STPG2: variants seen among roughly 807,000 people sequenced by gnomAD.
STPG2 encodes the protein sperm tail PG-rich repeat containing 2.
STPG2 carries 56 observed loss-of-function variants against 54.2 expected under a neutral mutation model. The ratio of observed to expected loss-of-function variants is 1.03; its 90% CI spans 0.83 to 1.29. The LOEUF (loss-of-function observed/expected upper bound fraction) is 1.29. Among genes scored for constraint, STPG2 ranks in the 50% most tolerant of loss-of-function variants. The probability of loss-of-function intolerance (pLI) is 0.00; values close to 1 mark genes in which losing one functional copy is unlikely to be tolerated. For missense variants in STPG2, 596 were observed against 544.9 expected (o/e 1.09, Z -0.93); for synonymous variants, 200 against 181.8 (o/e 1.10, Z -0.81).
chr4:97,918,049 G>A (rs1440019258), intron 8 of STPG2, among the ~76,000 whole-genome samples: 1 of 151,100 alleles, frequency 6.6e-6, no homozygotes, highest in Admixed American at 6.6e-5. Context: ...CTAAAATTAA[G>A]GCATGCGTAT....
chr4:97,609,200 G>A (rs950173536), intron 10 of STPG2, among the ~76,000 whole-genome samples: 3 of 151,896 alleles, frequency 2.0e-5, no homozygotes, highest in Non-Finnish European at 2.9e-5. Context: ...AAGTTTAAAC[G>A]GACAGTAAAA....
At chr4:97,715,774 A>G (rs1003950446) in intron 9 of STPG2, among the ~76,000 whole-genome samples, 2 of 152,210 alleles carry the variant, frequency 1.3e-5, no homozygotes, top group Non-Finnish European at 2.9e-5. Flanking sequence ...CATTCAGGAC[A>G]TAGGCATGGG....
At chr4:98,018,315 G>A (rs999472472) in intron 5 of STPG2, among the ~76,000 whole-genome samples, 4 of 152,040 alleles carry the variant, frequency 2.6e-5, no homozygotes, top group East Asian at 1.9e-4. Flanking sequence ...ATGATTTCCA[G>A]TTTCATCCAT....
intron 9 of STPG2, among the ~76,000 whole-genome samples, chr4:97,765,929 C>T (rs1726033615): frequency 6.6e-6 from 1 of 151,894 alleles, no homozygotes; most frequent in Admixed American, 6.6e-5. Flanking sequence ...AAATTAGACC[C>T]AATTACTGGA....
chr4:97,847,485 T>C (rs1728989565), intron 8 of STPG2, among the ~76,000 whole-genome samples: 1 of 152,100 alleles, frequency 6.6e-6, no homozygotes, highest in Admixed American at 6.5e-5. Context: ...GAAAAGACCA[T>C]TTAGGCCAAT....
rs1729470238 is a variant in STPG2 at position 97,454,643 on chromosome 4, G to A, written c.462+258056C>T. Among the ~76,000 whole-genome samples the A allele has an allele frequency of 2.0e-5, 3 of 148,530 alleles. No individual in the cohort carries two copies. In the Admixed American group the frequency reaches 2.0e-4, roughly 10 times the overall value. On this transcript the variant is annotated intron_variant, in intron 4 of 4. Transcript: ENST00000522676. ...TATATAGCATATCTTCATGTTATGT[G>A]CCCATGCAAAGTTAAATGTTTAAAT...
At chr4:97,960,884 G>A (rs753221215) in intron 7 of STPG2, among the ~76,000 whole-genome samples, 2 of 151,878 alleles carry the variant, frequency 1.3e-5, no homozygotes, top group Non-Finnish European at 2.9e-5. Context: ...AGCCCACATA[G>A]CCAAGGCAAG....
intron 8 of STPG2, among the ~76,000 whole-genome samples, chr4:97,935,468 A>C (rs1376563723): frequency 2.0e-5 from 3 of 151,884 alleles, no homozygotes; most frequent in Non-Finnish European, 2.9e-5. Flanking sequence ...TTTATTTGTA[A>C]TGTTAGGGTG....
intron 5 of STPG2, among the ~76,000 whole-genome samples, chr4:98,021,632 T>C (rs1377003681): frequency 1.3e-5 from 2 of 152,060 alleles, no homozygotes; most frequent in Non-Finnish European, 2.9e-5. Context: ...AAGTCTCCCA[T>C]TATTATTGTG....
intron 4 of STPG2, among the ~76,000 whole-genome samples, chr4:97,551,226 T>C (rs781562561): frequency 4.6e-5 from 7 of 151,856 alleles, no homozygotes; most frequent in Non-Finnish European, 8.8e-5. Flanking sequence ...GTTCTCCAAG[T>C]CCCCACCTGA....
intron 8 of STPG2, among the ~76,000 whole-genome samples, chr4:97,894,972 C>A (rs187833464): frequency 4.7e-4 from 72 of 151,864 alleles, no homozygotes; most frequent in African/African-American, 1.6e-3. Flanking sequence ...GATTTTCAAC[C>A]ACTCTCTAAA....
intron 10 of STPG2, among the ~76,000 whole-genome samples, chr4:97,679,858 T>G (rs1464193139): frequency 1.3e-5 from 2 of 152,068 alleles, no homozygotes; most frequent in African/African-American, 4.8e-5. Context: ...TAGCCAGTTT[T>G]CCCATCACCA....
chr4:97,837,657 T>C (rs1393821133), intron 9 of STPG2, among the ~76,000 whole-genome samples: 1 of 151,672 alleles, frequency 6.6e-6, no homozygotes, highest in African/African-American at 2.4e-5. Flanking sequence ...TACAATATAC[T>C]GAGTCTAGAT....
intron 10 of STPG2, among the ~76,000 whole-genome samples, chr4:97,710,164 A>G (rs1724068195): frequency 6.6e-6 from 1 of 151,962 alleles, no homozygotes. Flanking sequence ...CTTTTATTAG[A>G]TCTTCAAAAA....
intron 10 of STPG2, among the ~76,000 whole-genome samples, chr4:97,641,523 T>G (rs1471449378): frequency 8.6e-5 from 13 of 151,410 alleles, no homozygotes; most frequent in Admixed American, 8.6e-4. Context: ...CAGAACATGT[T>G]GTAACCAATA....
chr4:97,909,397 A>G (rs187613082), intron 8 of STPG2, among the ~76,000 whole-genome samples: 22 of 152,296 alleles, frequency 1.4e-4, no homozygotes, highest in Non-Finnish European at 2.8e-4. Flanking sequence ...CAGTAAATTC[A>G]ACAACAATCT....
chr4:97,484,222 G>A (rs190862287), intron 4 of STPG2, among the ~76,000 whole-genome samples: 2 of 151,470 alleles, frequency 1.3e-5, no homozygotes, highest in African/African-American at 4.8e-5. Flanking sequence ...ATGAAAATCA[G>A]AGCAGAAATA....
At chr4:97,704,789 A>G (rs1723890265) in intron 10 of STPG2, among the ~76,000 whole-genome samples, 1 of 152,218 alleles carries the variant, frequency 6.6e-6, no homozygotes, top group Non-Finnish European at 1.5e-5. Flanking sequence ...TTTAAGTCAC[A>G]TTCTAAAATA....
At chr4:97,895,550 T>C (rs1371289217) in intron 8 of STPG2, among the ~76,000 whole-genome samples, 1 of 151,828 alleles carries the variant, frequency 6.6e-6, no homozygotes, top group African/African-American at 2.4e-5. Context: ...CCCTTTTTTT[T>C]CCAATTTTGC....
Sources: gnomAD v4.1 joint callset for allele counts (sites outside exome capture counted in the v4.1 genomes callset) on GRCh38, gnomAD v4.1.1 for gene constraint, MANE v1.5 for transcripts, NCBI Gene and HGNC (gene_info 2026-07-23, HGNC 2026-07-21) for gene names.